Variants in COX6C observed in about 807,000 individuals in gnomAD.
COX6C encodes cytochrome c oxidase subunit 6C.
Under a neutral mutation model 6.9 loss-of-function variants are expected in COX6C, and 3 were observed. The ratio of observed to expected loss-of-function variants is 0.43; its 90% CI spans 0.20 to 1.12. The LOEUF (loss-of-function observed/expected upper bound fraction) is 1.12. Among genes scored for constraint, COX6C ranks in the 50% most tolerant of loss-of-function variants. The probability of loss-of-function intolerance (pLI) is 0.27; values close to 1 mark genes in which losing one functional copy is unlikely to be tolerated. For missense variants in COX6C, 101 were observed against 97.3 expected, an observed-to-expected ratio of 1.04 and a Z score of -0.16; for synonymous variants, 32 against 32.0, an observed-to-expected ratio of 1.00 and a Z score of 0.00.
intron 2 of COX6C, among the ~76,000 whole-genome samples, chr8:99,889,965 A>G (rs1818009013): frequency 6.6e-6 from 1 of 151,740 alleles, no homozygotes; most frequent in South Asian, 2.1e-4. Context: ...GTGGTGGCGG[A>G]CGCCTGTAGT....
In COX6C at chr8:99,887,516, T is replaced by G; in HGVS notation, c.217A>C (p.Ser73Arg). 2.5e-6 allele frequency: 4 copies of G among 1,598,338 alleles called. No homozygotes were observed. Among genetic ancestry groups the G allele is most frequent in the Non-Finnish European group, 3.4e-6 (4 of 1,174,092 alleles). The change falls in exon 3 of 4, where the codon AGT becomes CGT. Residue 73 changes from serine to arginine, a missense_variant. Transcript: ENST00000520468. ...TTTATATTCCAAGATTACTTTACACTCTGAAAGATACCAGCCTTCCTCATC... is the reference window on the plus strand; with the variant it reads ...TTTATATTCCAAGATTACTTTACACGCTGAAAGATACCAGCCTTCCTCATC... ...EEMRKAGIFQ[S>R]VK
At chr8:99,879,731 C>A (rs529460331) in intron 3 of COX6C, among the ~76,000 whole-genome samples, 1 of 152,260 alleles carries the variant, frequency 6.6e-6, no homozygotes. Context: ...TCCCTCAGGA[C>A]ATAAGGTAAA....
At chr8:99,881,993 A>C (rs1817873366) in intron 3 of COX6C, among the ~76,000 whole-genome samples, 1 of 152,240 alleles carries the variant, frequency 6.6e-6, no homozygotes, top group African/African-American at 2.4e-5. Flanking sequence ...CAAGAGACAA[A>C]AAAGAACATT....
chr8:99,883,726 C>G lies in COX6C; in HGVS notation c.*15+3764G>C, dbSNP rs150704115. 6.6e-3 allele frequency among the ~76,000 whole-genome samples: 1,011 copies of G among 152,192 alleles called. 6 individuals carry two copies. Among genetic ancestry groups the G allele is most frequent in the Middle Eastern group, 0.017 (5 of 294 alleles). The stretch of plus-strand genomic sequence containing the variant: ...TATCAAAGACAAACACACGAGAAAA[C>G]TATAGGCCAAATCCTTTAACACAGA... On this transcript the variant is annotated intron_variant, in intron 3 of 3. Transcript: ENST00000520468.
At chr8:99,883,411 A>ATG (rs1239242582) in intron 3 of COX6C, among the ~76,000 whole-genome samples, 20 of 149,744 alleles carry the variant, frequency 1.3e-4, no homozygotes, top group Middle Eastern at 3.4e-3. Context: ...GTGTATATAT[A>ATG]TGTGTGTGTG....
In COX6C at chr8:99,887,512, A is replaced by G. The variant is rs1817961639; in HGVS notation, c.221T>C (p.Val74Ala). ...TACCTTTATATTCCAAGATTACTTT[A>G]CACTCTGAAAGATACCAGCCTTCCT... is the stretch of plus-strand genomic sequence containing the variant. ...EMRKAGIFQSVK is the reference protein window; with the variant it reads ...EMRKAGIFQSAK Residue 74 changes from valine (V) to alanine (A), a missense_variant, in exon 3 of 4, where the codon GTA (valine) becomes GCA (alanine). Coordinates refer to ENST00000520468, the MANE Select transcript of COX6C (RefSeq NM_004374.4). The G allele has an allele frequency of 5.7e-6, 9 of 1,587,472 alleles. No individual in the cohort carries two copies. Among genetic ancestry groups the G allele is most frequent in the Non-Finnish European group, 7.7e-6 (9 of 1,170,134 alleles).
In COX6C at chr8:99,887,556, C is replaced by T; in HGVS notation, c.177G>A (p.Met59Ile). 8 of 1,611,392 alleles carry T rather than the reference C, an allele frequency of 5.0e-6. No homozygotes were observed. Among genetic ancestry groups the T allele is most frequent in the Non-Finnish European group, 6.8e-6 (8 of 1,179,198 alleles). Residue 59 changes from methionine (M) to isoleucine (I), a missense_variant, in exon 3 of 4, where the codon ATG (methionine) becomes ATA (isoleucine). Met to Ile is a conservative substitution (Grantham distance 10). Coordinates refer to ENST00000520468, the MANE Select transcript of COX6C (RefSeq NM_004374.4). ...CCTTCCTCATCTCCTCAAAATCTTT[C>T]ATGACATCGTAGTTTCTGTAGAAAT... is the stretch of plus-strand genomic sequence containing the variant. Reference protein sequence around the residue: ...YADFYRNYDVMKDFEEMRKAG... With the variant: ...YADFYRNYDVIKDFEEMRKAG...
At chr8:99,891,815 G>T in intron 2 of COX6C, 93 bp downstream of exon 2, 3 of 1,091,032 alleles carry the variant, frequency 2.7e-6, no homozygotes, top group Non-Finnish European at 2.8e-6. Flanking sequence ...GGGTTAGAAA[G>T]AAACACATTA....
At chr8:99,889,385 T>C (rs1264812018) in intron 2 of COX6C, among the ~76,000 whole-genome samples, 1 of 33,904 alleles carries the variant, frequency 2.9e-5, no homozygotes, top group African/African-American at 6.1e-4. Flanking sequence ...CACCTCCCAA[T>C]TTTTTTTTTT....
chr8:99,889,468 CT>C (rs1217424631), intron 2 of COX6C, among the ~76,000 whole-genome samples: 1 of 151,520 alleles, frequency 6.6e-6, no homozygotes, highest in Non-Finnish European at 1.5e-5. Context: ...TCACTGTAAC[CT>C]CCCCTTCCTG....
rs62534634 is a variant in COX6C at position 99,887,481 on chromosome 8, C to A, written c.*15+9G>T. On this transcript the variant is annotated intron_variant, in intron 3 of 3. Coordinates refer to ENST00000520468, the MANE Select transcript of COX6C (RefSeq NM_004374.4). The stretch of plus-strand genomic sequence containing the variant: ...TTTTTTTTTAAGTAACTTCAAATAA[C>A]CATATTACCTTTATATTCCAAGATT... The A allele has an allele frequency of 4.7e-6, 7 of 1,495,248 alleles. No individual in the cohort carries two copies. Among genetic ancestry groups the A allele is most frequent in the Non-Finnish European group, 6.3e-6 (7 of 1,105,084 alleles). The allele number at this position is 1,495,248 out of a possible 1,614,324, so 92.6% of individuals were successfully genotyped here.
intron 2 of COX6C, among the ~76,000 whole-genome samples, chr8:99,889,095 A>C (rs1194443341): frequency 6.6e-6 from 1 of 152,176 alleles, no homozygotes; most frequent in African/African-American, 2.4e-5. Context: ...AAATTTAGCT[A>C]AACTAAGGAG....
chr8:99,890,014 A>C (rs1818010242), intron 2 of COX6C, among the ~76,000 whole-genome samples: 1 of 152,026 alleles, frequency 6.6e-6, no homozygotes, highest in South Asian at 2.1e-4. Flanking sequence ...GAATGGCGTG[A>C]ACCCGGGAGG....
intron 1 of COX6C, chr8:99,893,248 G>C (rs1376686162): frequency 6.6e-6 from 1 of 152,302 alleles, no homozygotes; most frequent in African/African-American, 2.4e-5. Context: ...CTCACGACCA[G>C]CTGCATTAGA....
intron 3 of COX6C, 96 bp downstream of exon 3, chr8:99,887,394 A>G (rs1817958108): frequency 1.6e-6 from 1 of 624,128 alleles, no homozygotes; most frequent in South Asian, 2.9e-5. Flanking sequence ...AAGTCAAAAA[A>G]TCTTAAGTCT....
intron 2 of COX6C, among the ~76,000 whole-genome samples, chr8:99,890,430 G>A (rs1477639663): frequency 6.6e-6 from 1 of 152,096 alleles, no homozygotes; most frequent in Non-Finnish European, 1.5e-5. Flanking sequence ...AGTTCTTTAA[G>A]AACAGAGATT....
At chr8:99,887,863 A>C (rs1817967633) in intron 2 of COX6C, among the ~76,000 whole-genome samples, 1 of 152,204 alleles carries the variant, frequency 6.6e-6, no homozygotes, top group Non-Finnish European at 1.5e-5. Flanking sequence ...GTTTCCGTAC[A>C]CAAAGGGTGG....
At chr8:99,892,848 C>T (rs1008222012) in intron 1 of COX6C, among the ~76,000 whole-genome samples, 1 of 152,244 alleles carries the variant, frequency 6.6e-6, no homozygotes, top group Admixed American at 6.5e-5. Flanking sequence ...AACACTTTCT[C>T]TTCTAAAAAT....
intron 3 of COX6C, among the ~76,000 whole-genome samples, chr8:99,879,132 A>G (rs1253568702): frequency 6.6e-6 from 1 of 152,244 alleles, no homozygotes; most frequent in Admixed American, 6.5e-5. Flanking sequence ...AAATATACAC[A>G]TAAGATTCCA....
Sources: allele counts gnomAD v4.1 joint callset (sites outside exome capture counted in the v4.1 genomes callset), GRCh38; gene constraint gnomAD v4.1.1; transcripts MANE v1.5; gene names NCBI Gene and HGNC (gene_info 2026-07-23, HGNC 2026-07-21).